Variants in FHIT observed in about 807,000 individuals in gnomAD.
The protein encoded by FHIT is fragile histidine triad diadenosine triphosphatase.
A neutral mutation model predicts 17.9 loss-of-function variants in FHIT; 19 were observed. That is an observed-to-expected ratio of 1.06 (90% CI 0.74 to 1.56). The LOEUF is 1.56. FHIT is among the 40% of genes most tolerant of loss of function. FHIT has a pLI of 0.00. For synonymous variants in FHIT, 81 were observed against 69.7 expected (o/e 1.16, Z -0.81); for missense variants, 248 against 189.2 (o/e 1.31, Z -1.82).
chr3:60,151,894 A>C (rs1477057826), intron 5 of FHIT, among the ~76,000 whole-genome samples: 1 of 152,182 alleles, frequency 6.6e-6, no homozygotes, highest in Non-Finnish European at 1.5e-5. Flanking sequence ...CTGCAACTAT[A>C]TAATTTCCCT....
chr3:60,856,821 A>G (rs1296835191), intron 3 of FHIT, among the ~76,000 whole-genome samples: 1 of 151,836 alleles, frequency 6.6e-6, no homozygotes, highest in African/African-American at 2.4e-5. Flanking sequence ...CGTGGACCCT[A>G]TTGTACTCTC....
chr3:60,782,896 AG>A (rs1286104805), intron 4 of FHIT, among the ~76,000 whole-genome samples: 2 of 152,134 alleles, frequency 1.3e-5, no homozygotes, highest in East Asian at 3.9e-4. Context: ...CCCTTTTAAA[AG>A]GGCACCAATC....
At chr3:60,898,089 C>T (rs1553762311) in intron 3 of FHIT, among the ~76,000 whole-genome samples, 2 of 152,074 alleles carry the variant, frequency 1.3e-5, no homozygotes, top group African/African-American at 4.8e-5. Flanking sequence ...TTTAAAAACT[C>T]TCTTCTTTTT....
chr3:61,053,280 C>T (rs932542445), intron 2 of FHIT, among the ~76,000 whole-genome samples: 2 of 152,008 alleles, frequency 1.3e-5, no homozygotes, highest in African/African-American at 4.8e-5. Flanking sequence ...ATGATGCCCA[C>T]AATACATTCA....
intron 3 of FHIT, among the ~76,000 whole-genome samples, chr3:60,864,776 G>A (rs1250286159): frequency 6.6e-6 from 1 of 152,080 alleles, no homozygotes; most frequent in Non-Finnish European, 1.5e-5. Context: ...GGGGATATTA[G>A]TGGACACTCT....
At chr3:59,930,399 A>T (rs558575763) in intron 7 of FHIT, among the ~76,000 whole-genome samples, 1 of 152,288 alleles carries the variant, frequency 6.6e-6, no homozygotes, top group African/African-American at 2.4e-5. Context: ...TGCTGAACCG[A>T]AAGTTCAAGT....
intron 8 of FHIT, among the ~76,000 whole-genome samples, chr3:59,777,039 C>T (rs893644618): frequency 1.3e-5 from 2 of 152,170 alleles, no homozygotes; most frequent in African/African-American, 4.8e-5. Context: ...ACTGTGCTCT[C>T]GTCACATTCT....
intron 8 of FHIT, among the ~76,000 whole-genome samples, chr3:59,890,270 C>A (rs11924342): frequency 0.067 from 10,191 of 152,000 alleles, 533 homozygotes; most frequent in African/African-American, 0.14. Flanking sequence ...ATTAGATCTG[C>A]GTTCTTGGTG....
chr3:61,228,621 A>C (rs933144060), intron 1 of FHIT, among the ~76,000 whole-genome samples: 3 of 152,160 alleles, frequency 2.0e-5, no homozygotes, highest in African/African-American at 7.2e-5. Flanking sequence ...CAAAAACCCT[A>C]AGAAGGTAGG....
intron 5 of FHIT, among the ~76,000 whole-genome samples, chr3:60,397,012 A>G (rs543332075): frequency 6.6e-6 from 1 of 152,272 alleles, no homozygotes; most frequent in Non-Finnish European, 1.5e-5. Context: ...CCACAAAATC[A>G]CATATAGGAA....
At chr3:61,235,907 A>G (rs1211665838) in intron 1 of FHIT, among the ~76,000 whole-genome samples, 2 of 152,120 alleles carry the variant, frequency 1.3e-5, no homozygotes, top group South Asian at 4.1e-4. Flanking sequence ...CACTAAAAGC[A>G]AGGTATTGTG....
At chr3:59,864,372 C>T in intron 8 of FHIT, among the ~76,000 whole-genome samples, 1 of 152,110 alleles carries the variant, frequency 6.6e-6, no homozygotes, top group East Asian at 1.9e-4. Flanking sequence ...TCTCTTGCTG[C>T]CACCATGTAA....
intron 5 of FHIT, among the ~76,000 whole-genome samples, chr3:60,454,034 A>G (rs1488930814): frequency 6.6e-6 from 1 of 152,158 alleles, no homozygotes; most frequent in Non-Finnish European, 1.5e-5. Flanking sequence ...ATTTCATCTT[A>G]AGAAAGCAGT....
intron 5 of FHIT, among the ~76,000 whole-genome samples, chr3:60,036,284 A>G (rs1302821336): frequency 6.6e-6 from 1 of 152,236 alleles, no homozygotes; most frequent in Non-Finnish European, 1.5e-5. Flanking sequence ...TCCTCCTAAA[A>G]GAAAACCACA....
chr3:60,042,654 C>T (rs1194165841), intron 5 of FHIT, among the ~76,000 whole-genome samples: 1 of 152,110 alleles, frequency 6.6e-6, no homozygotes, highest in Non-Finnish European at 1.5e-5. Flanking sequence ...CTCATCTTAA[C>T]CTGATTACCT....
chr3:61,026,888 TG>T (rs2032761793), intron 3 of FHIT, among the ~76,000 whole-genome samples: 1 of 152,170 alleles, frequency 6.6e-6, no homozygotes, highest in South Asian at 2.1e-4. Context: ...ACTTTTGAGT[TG>T]GATTGAAACA....
chr3:61,205,156 A>C (rs1003634883), intron 1 of FHIT, among the ~76,000 whole-genome samples: 5 of 152,004 alleles, frequency 3.3e-5, no homozygotes, highest in African/African-American at 1.2e-4. Context: ...TGAACTCATC[A>C]TTTTTTATGG....
intron 5 of FHIT, among the ~76,000 whole-genome samples, chr3:60,286,088 C>T (rs563466994): frequency 1.2e-4 from 19 of 152,130 alleles, no homozygotes; most frequent in Non-Finnish European, 2.5e-4. Flanking sequence ...GAATGCTATT[C>T]ACTCCACCTG....
At position 60,925,227 on chromosome 3, in the gene FHIT, C is replaced by A. The variant is rs1450899952; in HGVS notation, c.-110-103216G>T. ...CAGAGAACACCACAAAGATACTCCTCGAGAAGAGCAACTCCAAGACACATA... is the reference window on the plus strand; with the variant it reads ...CAGAGAACACCACAAAGATACTCCTAGAGAAGAGCAACTCCAAGACACATA... On this transcript the variant is annotated intron_variant, in intron 3 of 9. Coordinates refer to ENST00000492590, the MANE Select transcript of FHIT (RefSeq NM_002012.4). 3.3e-5 allele frequency among the ~76,000 whole-genome samples: 5 copies of A among 152,006 alleles called. 1 individual carries two copies. Among genetic ancestry groups the A allele is most frequent in the South Asian group, 4.2e-4 (2 of 4,812 alleles).
Sources: gnomAD v4.1 joint callset for allele counts (sites outside exome capture counted in the v4.1 genomes callset) on GRCh38, gnomAD v4.1.1 for gene constraint, MANE v1.5 for transcripts, NCBI Gene and HGNC (gene_info 2026-07-23, HGNC 2026-07-21) for gene names.